Variants in PDE8B observed in about 807,000 individuals in gnomAD.
PDE8B encodes phosphodiesterase 8B, also known as high affinity cAMP-specific and IBMX-insensitive 3',5'-cyclic phosphodiesterase 8B.
In PDE8B, 26 loss-of-function variants were observed where a neutral mutation model predicts 101.3. That is an observed-to-expected ratio of 0.26 (90% CI 0.19 to 0.36). PDE8B has a LOEUF of 0.36. PDE8B is among the 10% of genes least tolerant of loss of function. PDE8B has a pLI of 1.00. For missense variants in PDE8B, 810 were observed against 1,163.1 expected (o/e 0.70, Z 4.42); for synonymous variants, 424 against 429.3 (o/e 0.99, Z 0.15).
chr5:77,103,544 A>G, the PDE8B span, among the ~76,000 whole-genome samples: 1 of 152,210 alleles, frequency 6.6e-6, no homozygotes, highest in Non-Finnish European at 1.5e-5. Flanking sequence ...AGAGAAAATG[A>G]CTTGATGGGA....
At chr5:77,391,705 G>A (rs1047393300) in intron 10 of PDE8B, among the ~76,000 whole-genome samples, 1 of 152,200 alleles carries the variant, frequency 6.6e-6, no homozygotes, top group African/African-American at 2.4e-5. Context: ...GACATCGCAG[G>A]AGCTCCACGA....
At chr5:77,089,480 C>T in the PDE8B span, 1 of 152,230 alleles carries the variant, frequency 6.6e-6, no homozygotes, top group Non-Finnish European at 1.5e-5. Flanking sequence ...ATATGATGCG[C>T]TTGAATCATC....
chr5:77,220,428 C>A (rs1324212935), intron 1 of PDE8B, among the ~76,000 whole-genome samples: 1 of 152,174 alleles, frequency 6.6e-6, no homozygotes, highest in Non-Finnish European at 1.5e-5. Flanking sequence ...AGGTTGGAAT[C>A]TCTTATTATA....
chr5:77,425,118 CAG>C (rs755444898), intron 20 of PDE8B, among the ~76,000 whole-genome samples: 7 of 152,222 alleles, frequency 4.6e-5, no homozygotes, highest in Non-Finnish European at 1.0e-4. Context: ...TGCTTCTTCT[CAG>C]TGTAAATGTC....
intron 2 of PDE8B, among the ~76,000 whole-genome samples, chr5:77,323,104 T>G (rs1775395085): frequency 6.6e-6 from 1 of 152,264 alleles, no homozygotes; most frequent in South Asian, 2.1e-4. Flanking sequence ...CTTGTGTTAA[T>G]ACCACAGCTA....
chr5:77,388,270 G>A (rs989843319), intron 10 of PDE8B, among the ~76,000 whole-genome samples: 9 of 152,118 alleles, frequency 5.9e-5, no homozygotes, highest in Non-Finnish European at 1.5e-5. Flanking sequence ...CTGAGTAGAC[G>A]TCCTTTTTGT....
intron 5 of PDE8B, 62 bp from the exon 6 acceptor site, chr5:77,337,165 C>A: frequency 1.1e-6 from 1 of 899,618 alleles, no homozygotes; most frequent in South Asian, 1.4e-5. Flanking sequence ...TTAAGTTTCT[C>A]TATTTGACTC....
chr5:77,343,506 G>T (rs7720828), intron 6 of PDE8B, among the ~76,000 whole-genome samples: 51,859 of 152,044 alleles, frequency 0.34, 9,610 homozygotes, highest in African/African-American at 0.47. Context: ...TATAAAAAGA[G>T]TTAAAATGGT....
intron 1 of PDE8B, among the ~76,000 whole-genome samples, chr5:77,277,676 T>C (rs1764111755): frequency 6.6e-6 from 1 of 152,236 alleles, no homozygotes; most frequent in Admixed American, 6.5e-5. Flanking sequence ...CTTTCTCTTT[T>C]GTTCATTTTA....
intron 10 of PDE8B, among the ~76,000 whole-genome samples, chr5:77,373,172 A>G: frequency 6.6e-6 from 1 of 151,880 alleles, no homozygotes; most frequent in East Asian, 1.9e-4. Flanking sequence ...AGGCTTTATT[A>G]CTTTTCTCTA....
chr5:77,123,735 G>A, the PDE8B span, among the ~76,000 whole-genome samples: 1 of 152,156 alleles, frequency 6.6e-6, no homozygotes, highest in Admixed American at 6.5e-5. Flanking sequence ...CTCCAGCCTG[G>A]GCAACGGTGA....
At chr5:77,318,073 A>AAAAC (rs1561518781) in intron 2 of PDE8B, among the ~76,000 whole-genome samples, 8 of 151,258 alleles carry the variant, frequency 5.3e-5, no homozygotes, top group Non-Finnish European at 1.2e-4. Flanking sequence ...AAAAAAAAAA[A>AAAAC]AAAACACAAC....
chr5:77,391,277 C>T (rs942168219), intron 10 of PDE8B, among the ~76,000 whole-genome samples: 5 of 152,194 alleles, frequency 3.3e-5, no homozygotes, highest in Admixed American at 3.3e-4. Context: ...AGTGAAAACC[C>T]AGCACCGCTG....
intron 1 of PDE8B, among the ~76,000 whole-genome samples, chr5:77,249,729 C>G (rs1230498637): frequency 6.6e-6 from 1 of 152,218 alleles, no homozygotes; most frequent in East Asian, 1.9e-4. Context: ...TATCAGCTGT[C>G]AAGGCCATTT....
intron 10 of PDE8B, among the ~76,000 whole-genome samples, chr5:77,371,621 A>G (rs1785097487): frequency 6.6e-6 from 1 of 152,192 alleles, no homozygotes; most frequent in Non-Finnish European, 1.5e-5. Flanking sequence ...TGTTTCCCCC[A>G]AAAGCCTGCT....
chr5:77,379,770 A>T (rs1290104797), intron 10 of PDE8B, among the ~76,000 whole-genome samples: 1 of 152,172 alleles, frequency 6.6e-6, no homozygotes, highest in Non-Finnish European at 1.5e-5. Flanking sequence ...TATGCATCAG[A>T]TCCTTTTAAT....
At chr5:77,383,454 T>G (rs1344087946) in intron 10 of PDE8B, among the ~76,000 whole-genome samples, 4 of 152,252 alleles carry the variant, frequency 2.6e-5, no homozygotes, top group African/African-American at 9.6e-5. Flanking sequence ...TTGTCACTTT[T>G]GGCTTTTGTT....
At chr5:77,313,993 G>A (rs1580979852) in intron 2 of PDE8B, among the ~76,000 whole-genome samples, 1 of 152,098 alleles carries the variant, frequency 6.6e-6, no homozygotes. Context: ...CTAATCTAAG[G>A]TTGTAAACAT....
intron 1 of PDE8B, among the ~76,000 whole-genome samples, chr5:77,248,114 T>C (rs550185512): frequency 3.3e-5 from 5 of 152,256 alleles, no homozygotes; most frequent in Admixed American, 3.3e-4. Context: ...AAAGTTACAG[T>C]CACAAACCCA....
Sources: allele counts gnomAD v4.1 joint callset (sites outside exome capture counted in the v4.1 genomes callset), GRCh38; gene constraint gnomAD v4.1.1; transcripts MANE v1.5; gene names NCBI Gene and HGNC (gene_info 2026-07-23, HGNC 2026-07-21).